PLPP3: variants seen among roughly 807,000 people sequenced by gnomAD.
The protein encoded by PLPP3 is PAP2 beta.
Under a neutral mutation model 29.6 loss-of-function variants are expected in PLPP3, and 6 were observed. The observed-to-expected ratio is 0.20, with a 90% confidence interval of 0.11 to 0.40. PLPP3 has a LOEUF of 0.40. Ranked by LOEUF, PLPP3 falls within the 10% of genes least tolerant of loss-of-function variation. The probability of loss-of-function intolerance (pLI) is 1.00; values close to 1 mark genes in which losing one functional copy is unlikely to be tolerated. For missense variants in PLPP3, 308 were observed against 407.7 expected, an observed-to-expected ratio of 0.76 and a Z score of 2.11; for synonymous variants, 152 against 159.7, an observed-to-expected ratio of 0.95 and a Z score of 0.36.
At chr1:56,559,378 A>G (rs1646105894) in intron 1 of PLPP3, among the ~76,000 whole-genome samples, 1 of 151,780 alleles carries the variant, frequency 6.6e-6, no homozygotes, top group Non-Finnish European at 1.5e-5. Flanking sequence ...ATTTAGAGGA[A>G]CAGTAAGCAA....
chr1:56,570,730 G>T (rs1646191897), intron 1 of PLPP3, among the ~76,000 whole-genome samples: 1 of 152,000 alleles, frequency 6.6e-6, no homozygotes, highest in African/African-American at 2.4e-5. Flanking sequence ...TTGTTGAGAG[G>T]CTTTTAAAAA....
intron 5 of PLPP3, among the ~76,000 whole-genome samples, chr1:56,508,455 G>C (rs781657363): frequency 2.6e-5 from 4 of 152,190 alleles, no homozygotes; most frequent in Non-Finnish European, 2.9e-5. Context: ...TGGCAGACTG[G>C]AAAATGGATT....
In PLPP3 at chr1:56,579,323, T is replaced by C. The variant is rs374584663; in HGVS notation, c.-307A>G. ...CAGAGCTGCGCAGCTTGGGGCGCGC[T>C]GTTGTGGCGCGCGTCTGAGTGCGCG... is the stretch of plus-strand genomic sequence containing the variant. On this transcript the variant is annotated 5_prime_UTR_variant, in exon 1 of 6. Coordinates refer to ENST00000371250, the MANE Select transcript of PLPP3 (RefSeq NM_003713.5). 44 of 333,732 alleles carry C rather than the reference T, an allele frequency of 1.3e-4. No individual in the cohort carries two copies. The East Asian group carries it at 1.7e-3, about 13-fold the overall frequency. 20.7% of individuals were successfully genotyped at this position (333,732 alleles called of 1,614,324 possible). A position where few individuals can be genotyped will look rare whatever the true frequency, so the allele number is the denominator to read the frequency against.
chr1:56,528,780 C>T (rs773158224), intron 2 of PLPP3, among the ~76,000 whole-genome samples: 29 of 150,402 alleles, frequency 1.9e-4, no homozygotes, highest in Non-Finnish European at 4.1e-4. Flanking sequence ...ACCACCCCTC[C>T]AGGGTAGGAC....
At chr1:56,549,923 A>T (rs1348254590) in intron 1 of PLPP3, among the ~76,000 whole-genome samples, 1 of 152,190 alleles carries the variant, frequency 6.6e-6, no homozygotes, top group Non-Finnish European at 1.5e-5. Flanking sequence ...TGGTCACTTT[A>T]TTGCTGCACC....
chr1:56,557,978 C>T (rs1479600265), intron 1 of PLPP3, among the ~76,000 whole-genome samples: 1 of 152,144 alleles, frequency 6.6e-6, no homozygotes, highest in Non-Finnish European at 1.5e-5. Flanking sequence ...GAGCTTGAAC[C>T]CCCTTGCTTT....
At chr1:56,578,199 T>C (rs574091680) in intron 1 of PLPP3, among the ~76,000 whole-genome samples, 1 of 152,234 alleles carries the variant, frequency 6.6e-6, no homozygotes, top group East Asian at 1.9e-4. Context: ...ATCAGGGAAA[T>C]GGGGCTCATC....
intron 4 of PLPP3, among the ~76,000 whole-genome samples, chr1:56,518,172 G>C (rs908025933): frequency 1.3e-5 from 2 of 152,138 alleles, no homozygotes; most frequent in African/African-American, 4.8e-5. Context: ...AAAACATCTG[G>C]TACAGATTCC....
intron 2 of PLPP3, among the ~76,000 whole-genome samples, chr1:56,531,270 C>G (rs1209188968): frequency 3.3e-5 from 5 of 152,184 alleles, no homozygotes; most frequent in African/African-American, 1.2e-4. Context: ...CTAGCAGCCA[C>G]CACCATGCAC....
At chr1:56,538,129 G>A (rs1447035853) in intron 1 of PLPP3, among the ~76,000 whole-genome samples, 2 of 152,112 alleles carry the variant, frequency 1.3e-5, no homozygotes, top group Non-Finnish European at 2.9e-5. Context: ...CCTCTTCAAT[G>A]GCTCCCCATG....
intron 1 of PLPP3, among the ~76,000 whole-genome samples, chr1:56,549,412 C>G (rs949972694): frequency 6.6e-6 from 1 of 152,142 alleles, no homozygotes; most frequent in African/African-American, 2.4e-5. Flanking sequence ...TTATTACCAT[C>G]AGTCTTAGCT....
intron 2 of PLPP3, among the ~76,000 whole-genome samples, chr1:56,530,470 C>T (rs1398059159): frequency 6.6e-6 from 1 of 152,168 alleles, no homozygotes; most frequent in Non-Finnish European, 1.5e-5. Context: ...ACACCCATTC[C>T]CACTCCTGTC....
At chr1:56,506,057 C>T (rs1372419406) in intron 5 of PLPP3, among the ~76,000 whole-genome samples, 1 of 152,208 alleles carries the variant, frequency 6.6e-6, no homozygotes, top group Non-Finnish European at 1.5e-5. Flanking sequence ...AAGAGCTAGA[C>T]TTCTGCAGGG....
chr1:56,569,889 C>T (rs1012835441), intron 1 of PLPP3, among the ~76,000 whole-genome samples: 4 of 152,214 alleles, frequency 2.6e-5, no homozygotes, highest in African/African-American at 9.7e-5. Context: ...CCTTCTCCCC[C>T]TTCCTGGCTT....
At chr1:56,519,051 A>G (rs1363340644) in intron 4 of PLPP3, among the ~76,000 whole-genome samples, 1 of 151,912 alleles carries the variant, frequency 6.6e-6, no homozygotes, top group Non-Finnish European at 1.5e-5. Flanking sequence ...TGCGGGGAGA[A>G]CAGCAGCTAA....
chr1:56,570,791 GTC>G (rs776323414), intron 1 of PLPP3, among the ~76,000 whole-genome samples: 12 of 152,084 alleles, frequency 7.9e-5, no homozygotes, highest in Non-Finnish European at 1.8e-4. Flanking sequence ...AAAACATGGA[GTC>G]TCTTTTTTCT....
At chr1:56,531,807 T>C (rs1645890448) in intron 2 of PLPP3, among the ~76,000 whole-genome samples, 1 of 152,166 alleles carries the variant, frequency 6.6e-6, no homozygotes. Flanking sequence ...TCCTCCCTCA[T>C]TTGTCAAATG....
intron 2 of PLPP3, among the ~76,000 whole-genome samples, chr1:56,533,177 C>T (rs895579687): frequency 9.9e-5 from 15 of 152,018 alleles, no homozygotes; most frequent in Non-Finnish European, 1.8e-4. Context: ...GCCTCAGTCT[C>T]CCAAGTAGCT....
At chr1:56,538,961 A>AAAAAAAAAAAAACAAAAC (rs1202991977) in intron 1 of PLPP3, 32 of 149,400 alleles carry the variant, frequency 2.1e-4, no homozygotes, top group East Asian at 2.0e-3. Flanking sequence ...CTGGGCTGCA[A>AAAAAAAAAAAAACAAAAC]AAAAAAAAAA....
Sources: gnomAD v4.1 joint callset for allele counts (sites outside exome capture counted in the v4.1 genomes callset) on GRCh38, gnomAD v4.1.1 for gene constraint, MANE v1.5 for transcripts, NCBI Gene and HGNC (gene_info 2026-07-23, HGNC 2026-07-21) for gene names.